The following GABRB3 variants were observed in gnomAD, a reference collection of about 807,000 sequenced individuals.
GABRB3 encodes the protein gamma-aminobutyric acid type A receptor subunit beta3, also known as gamma-aminobutyric acid receptor subunit beta-3.
In GABRB3, 14 loss-of-function variants were observed where a neutral mutation model predicts 52.1. The observed-to-expected ratio is 0.27, with a 90% CI of 0.18 to 0.42. GABRB3 has a LOEUF of 0.42. Ranked by LOEUF, GABRB3 falls within the 10% of genes least tolerant of loss-of-function variation. The pLI is 1.00. For missense variants in GABRB3, 307 were observed against 609.1 expected, an observed-to-expected ratio of 0.50 and a Z score of 5.22; for synonymous variants, 260 against 232.3, an observed-to-expected ratio of 1.12 and a Z score of -1.08.
chr15:26,586,459 G>A (rs11854034), intron 4 of GABRB3, among the ~76,000 whole-genome samples: 83 of 127,154 alleles, frequency 6.5e-4, no homozygotes, highest in African/African-American at 2.1e-3. Flanking sequence ...CAAATTGTTC[G>A]GGGACACCAT....
intron 1 of GABRB3, 50 bp downstream of exon 1, chr15:26,772,833 C>T (rs1222750972): frequency 8.9e-6 from 13 of 1,452,946 alleles, no homozygotes; most frequent in East Asian, 3.0e-5. Flanking sequence ...GCCAGCGCCC[C>T]GCGCACCCCG....
chr15:26,675,836 G>C (rs1056291224), intron 3 of GABRB3, among the ~76,000 whole-genome samples: 1 of 152,168 alleles, frequency 6.6e-6, no homozygotes, highest in East Asian at 1.9e-4. Context: ...GATGGTAAAT[G>C]AGAAAACTGA....
At chr15:26,771,942 C>G in intron 3 of GABRB3, 1 of 158,986 alleles carries the variant, frequency 6.3e-6, no homozygotes, top group Non-Finnish European at 1.4e-5. Context: ...GTTCCCCTTT[C>G]CTGCAGCCAG....
At chr15:26,743,593 T>G (rs146901979) in intron 3 of GABRB3, among the ~76,000 whole-genome samples, 5 of 152,200 alleles carry the variant, frequency 3.3e-5, no homozygotes, top group Admixed American at 3.3e-4. Flanking sequence ...GGACAGTCTA[T>G]GCCAGAGTGA....
At chr15:26,646,709 T>C (rs1277208329) in intron 3 of GABRB3, among the ~76,000 whole-genome samples, 1 of 152,328 alleles carries the variant, frequency 6.6e-6, no homozygotes, top group East Asian at 1.9e-4. Context: ...TCAACACTTA[T>C]TATTTTCTGT....
chr15:26,670,438 G>A (rs1449327082), intron 3 of GABRB3, among the ~76,000 whole-genome samples: 5 of 152,178 alleles, frequency 3.3e-5, no homozygotes, highest in Non-Finnish European at 7.4e-5. Context: ...AGGGGCGCGG[G>A]AGGCTGGGCG....
chr15:26,745,190 G>C (rs911757824), intron 3 of GABRB3, among the ~76,000 whole-genome samples: 2 of 152,132 alleles, frequency 1.3e-5, no homozygotes, highest in African/African-American at 2.4e-5. Context: ...TGACCCAAAC[G>C]CCTCCCACCA....
chr15:26,672,293 A>G (rs1380338948), intron 3 of GABRB3, among the ~76,000 whole-genome samples: 1 of 152,186 alleles, frequency 6.6e-6, no homozygotes, highest in Non-Finnish European at 1.5e-5. Context: ...ATCTCCAGGC[A>G]TTTTATAACC....
intron 4 of GABRB3, among the ~76,000 whole-genome samples, chr15:26,606,187 G>A (rs541405623): frequency 6.7e-6 from 1 of 150,374 alleles, no homozygotes; most frequent in African/African-American, 2.4e-5. Flanking sequence ...ATTAGGTGGG[G>A]ATGGTTAATG....
At chr15:26,708,443 C>T (rs56017569) in intron 3 of GABRB3, among the ~76,000 whole-genome samples, 20,309 of 152,172 alleles carry the variant, frequency 0.13, 1,495 homozygotes, top group Non-Finnish European at 0.17. Flanking sequence ...CTAGGCAGTA[C>T]ACTCCAGGGA....
At chr15:26,725,862 A>G (rs1957908591) in intron 3 of GABRB3, among the ~76,000 whole-genome samples, 1 of 152,244 alleles carries the variant, frequency 6.6e-6, no homozygotes, top group Admixed American at 6.5e-5. Context: ...ATGTTGAACC[A>G]TCAAAAATCA....
chr15:26,566,526 G>A (rs894565247), intron 7 of GABRB3, among the ~76,000 whole-genome samples: 3 of 152,174 alleles, frequency 2.0e-5, no homozygotes, highest in African/African-American at 7.2e-5. Context: ...AAGAGTTCAA[G>A]ACCAGTCTGG....
intron 3 of GABRB3, chr15:26,624,848 T>C (rs1892626840): frequency 2.0e-6 from 2 of 984,276 alleles, no homozygotes; most frequent in South Asian, 4.7e-5. Context: ...AAATGCAGGG[T>C]TTTCCTGTTA....
intron 3 of GABRB3, among the ~76,000 whole-genome samples, chr15:26,692,584 T>C (rs951433): frequency 7.2e-5 from 11 of 152,210 alleles, no homozygotes; most frequent in Non-Finnish European, 1.3e-4. Flanking sequence ...ATTGTGATTA[T>C]TAATTCCCTA....
intron 8 of GABRB3, among the ~76,000 whole-genome samples, chr15:26,556,931 G>C (rs1007285781): frequency 1.3e-5 from 2 of 152,120 alleles, no homozygotes; most frequent in Admixed American, 6.5e-5. Flanking sequence ...TCAGGGCGAA[G>C]CTGCTGGGTG....
At chr15:26,687,831 T>G (rs1411577729) in intron 3 of GABRB3, among the ~76,000 whole-genome samples, 1 of 152,192 alleles carries the variant, frequency 6.6e-6, no homozygotes. Context: ...TTCACATCAT[T>G]AGAAAATGTG....
chr15:26,765,670 C>T (rs987625950), intron 3 of GABRB3, among the ~76,000 whole-genome samples: 1 of 152,052 alleles, frequency 6.6e-6, no homozygotes, highest in Admixed American at 6.6e-5. Context: ...TAGAAACAGC[C>T]CTGCCTCACG....
At chr15:26,695,713 T>C (rs1888717418) in intron 3 of GABRB3, among the ~76,000 whole-genome samples, 1 of 152,206 alleles carries the variant, frequency 6.6e-6, no homozygotes. Flanking sequence ...TTCCTAATTC[T>C]TAATTGATCT....
intron 4 of GABRB3, chr15:26,612,065 A>AC (rs1460612997): frequency 6.6e-6 from 1 of 152,222 alleles, no homozygotes; most frequent in Non-Finnish European, 1.5e-5. Flanking sequence ...TGGTGGACTT[A>AC]AAGATACTAA....
Sources: gnomAD v4.1 joint callset for allele counts (sites outside exome capture counted in the v4.1 genomes callset) on GRCh38, gnomAD v4.1.1 for gene constraint, MANE v1.5 for transcripts, NCBI Gene and HGNC (gene_info 2026-07-23, HGNC 2026-07-21) for gene names.